PCDHA12: variants seen among roughly 807,000 people sequenced by gnomAD.
PCDHA12 encodes the protein protocadherin alpha-12.
In PCDHA12, 44 loss-of-function variants were observed where a neutral mutation model predicts 60.0. That is an observed-to-expected ratio of 0.73 (90% CI 0.58 to 0.94). The LOEUF is 0.94. Among genes scored for constraint, PCDHA12 ranks in the 40% least tolerant of loss-of-function variants. The pLI is 0.00. For synonymous variants in PCDHA12, 569 were observed against 553.0 expected (o/e 1.03, Z -0.40); for missense variants, 1,276 against 1,239.7 (o/e 1.03, Z -0.44).
At chr5:140,918,324 A>G (rs782356672) in intron 1 of PCDHA12, among the ~76,000 whole-genome samples, 1 of 152,058 alleles carries the variant, frequency 6.6e-6, no homozygotes, top group Non-Finnish European at 1.5e-5. Flanking sequence ...ATAAAATTAT[A>G]TTGTCTGCTA....
chr5:140,877,811 G>A lies in PCDHA12; in HGVS notation c.2339G>A (p.Arg780Gln). ...TTCAGCCCAAGCCTTCAGCTGTCTC[G>A]AGAAGATTGTTTAAATCCTCCCAGT... Reference protein sequence around the residue: ...MAFSPSLQLSREDCLNPPSEP... With the variant: ...MAFSPSLQLSQEDCLNPPSEP... The change falls in exon 1 of 4, where the codon CGA (arginine) becomes CAA (glutamine). Residue 780 changes from arginine to glutamine, a missense_variant. By Grantham distance (43) the Arg-to-Gln change is conservative (BLOSUM62 1). Transcript: ENST00000398631. 1 of 1,610,242 alleles carries A rather than the reference G, an allele frequency of 6.2e-7. No individual in the cohort carries two copies. The highest frequency in any genetic ancestry group is 8.5e-7 in the Non-Finnish European group (1 of 1,178,636).
chr5:140,927,073 C>T (rs782173390), intron 1 of PCDHA12: 11 of 1,611,108 alleles, frequency 6.8e-6, no homozygotes, highest in Middle Eastern at 1.7e-4. Context: ...CCTTTCCAGC[C>T]ACCGCGAGCT....
intron 3 of PCDHA12, among the ~76,000 whole-genome samples, chr5:140,984,610 G>A (rs2097110934): frequency 6.6e-6 from 1 of 152,188 alleles, no homozygotes; most frequent in African/African-American, 2.4e-5. Flanking sequence ...CTCTGCATCA[G>A]TGGTGTAAAG....
At chr5:140,968,867 T>C (rs2153774451) in intron 1 of PCDHA12, 2 of 1,614,188 alleles carry the variant, frequency 1.2e-6, no homozygotes, top group Non-Finnish European at 1.7e-6. Flanking sequence ...CCCTCGGACA[T>C]ACTCTGAAAT....
At chr5:140,984,597 T>TA (rs1554246418) in intron 3 of PCDHA12, among the ~76,000 whole-genome samples, 1 of 152,182 alleles carries the variant, frequency 6.6e-6, no homozygotes, top group East Asian at 1.9e-4. Flanking sequence ...TTTCAATACA[T>TA]ACCTCTGCAT....
chr5:140,899,534 T>A (rs2067388979), intron 1 of PCDHA12, among the ~76,000 whole-genome samples: 1 of 152,234 alleles, frequency 6.6e-6, no homozygotes, highest in Non-Finnish European at 1.5e-5. Context: ...TGAAGCCCAC[T>A]TGATCATGGT....
intron 1 of PCDHA12, chr5:140,967,979 G>A (rs1405177525): frequency 1.2e-6 from 2 of 1,614,100 alleles, no homozygotes; most frequent in African/African-American, 1.3e-5. Flanking sequence ...CCTGGGTCTG[G>A]AGGCCACACT....
chr5:140,989,253 G>C (rs886150768), intron 3 of PCDHA12, among the ~76,000 whole-genome samples: 1 of 152,194 alleles, frequency 6.6e-6, no homozygotes, highest in Non-Finnish European at 1.5e-5. Flanking sequence ...CTTGTCAAAA[G>C]GGAGATTCAA....
At chr5:140,967,141 G>T in intron 1 of PCDHA12, 2 of 1,611,258 alleles carry the variant, frequency 1.2e-6, no homozygotes, top group South Asian at 1.1e-5. Flanking sequence ...AAGTGCTGGC[G>T]CACAACCCCG....
chr5:140,968,150 A>C, intron 1 of PCDHA12: 1 of 1,614,180 alleles, frequency 6.2e-7, no homozygotes. Context: ...GATCTCTGAC[A>C]TCAATGACAA....
intron 1 of PCDHA12, among the ~76,000 whole-genome samples, chr5:140,923,753 TG>T (rs1217230498): frequency 6.6e-6 from 1 of 152,174 alleles, no homozygotes; most frequent in Non-Finnish European, 1.5e-5. Context: ...AGGCATATGG[TG>T]GGACAAATCC....
intron 1 of PCDHA12, among the ~76,000 whole-genome samples, chr5:140,900,291 T>C (rs1397328670): frequency 6.6e-6 from 1 of 151,992 alleles, no homozygotes; most frequent in East Asian, 2.0e-4. Flanking sequence ...TTCTTTTCTG[T>C]TTTTTTAGAC....
chr5:140,967,786 G>A, intron 1 of PCDHA12: 1 of 1,614,216 alleles, frequency 6.2e-7, no homozygotes, highest in East Asian at 2.2e-5. Context: ...CGACTGACCG[G>A]GGTCCAGTGC....
At position 140,887,996 on chromosome 5, in the gene PCDHA12, AAT is replaced by A. The variant is rs1258672316; in HGVS notation, c.2367+10159_2367+10160del. 4.6e-5 allele frequency among the ~76,000 whole-genome samples: 7 copies of A among 152,330 alleles called. No individual in the cohort carries two copies. In the East Asian group the frequency reaches 7.7e-4, roughly 17 times the overall value. ...AAATTTATTTTACATGTCTCCACCGAATAGTCATCTTTTTATCTATATGTTTG... is the reference window on the plus strand; with the variant it reads ...AAATTTATTTTACATGTCTCCACCGAAGTCATCTTTTTATCTATATGTTTG... On this transcript the variant is annotated intron_variant, in intron 1 of 3. Coordinates refer to ENST00000398631, the MANE Select transcript of PCDHA12 (RefSeq NM_018903.4).
intron 1 of PCDHA12, among the ~76,000 whole-genome samples, chr5:140,891,443 T>C (rs1181273099): frequency 6.7e-6 from 1 of 148,474 alleles, no homozygotes; most frequent in Non-Finnish European, 1.5e-5. Flanking sequence ...GTCCATTGTA[T>C]AGGATTTTTG....
Position 140,875,874 on chromosome 5 carries a change from A to C in PCDHA12, c.402A>C (p.Arg134Ser). ...TTAACGACAACCCGCCGGTGTTCAG[A>C]GAAAGGGAACAAAAGGTACCTGTTT... ...KDINDNPPVF[R>S]EREQKVPVSE... Residue 134 changes from arginine to serine, a missense_variant, in exon 1 of 4, where the codon AGA (arginine) becomes AGC (serine). Physicochemically the swap from Arg to Ser is moderately radical, Grantham distance 110 (BLOSUM62 -1). Transcript: ENST00000398631. 1 of 1,614,188 alleles carries C rather than the reference A, an allele frequency of 6.2e-7. No homozygotes were observed. Among genetic ancestry groups the C allele is most frequent in the Non-Finnish European group, 8.5e-7 (1 of 1,180,036 alleles).
At chr5:140,972,708 G>C (rs1309799075) in intron 1 of PCDHA12, among the ~76,000 whole-genome samples, 1 of 146,140 alleles carries the variant, frequency 6.8e-6, no homozygotes, top group East Asian at 2.0e-4. Context: ...TCTGTTGCCA[G>C]GCTGGAGTGC....
chr5:140,888,558 C>T (rs782768307), intron 1 of PCDHA12, among the ~76,000 whole-genome samples: 6 of 152,188 alleles, frequency 3.9e-5, no homozygotes, highest in Non-Finnish European at 7.3e-5. Flanking sequence ...TTATTCCTTT[C>T]AAGGCTTCAT....
intron 1 of PCDHA12, among the ~76,000 whole-genome samples, chr5:140,939,456 T>C (rs1554212738): frequency 6.6e-6 from 1 of 152,206 alleles, no homozygotes; most frequent in Non-Finnish European, 1.5e-5. Flanking sequence ...GTGAAATTTA[T>C]AGGCCTAGAA....
Sources: allele counts gnomAD v4.1 joint callset (sites outside exome capture counted in the v4.1 genomes callset), GRCh38; gene constraint gnomAD v4.1.1; transcripts MANE v1.5; gene names NCBI Gene and HGNC (gene_info 2026-07-23, HGNC 2026-07-21).